Variants in ANXA2 observed in about 807,000 individuals in gnomAD.
The protein encoded by ANXA2 is annexin A2, also known as annexin II.
A neutral mutation model predicts 47.3 loss-of-function variants in ANXA2; 28 were observed. The ratio of observed to expected loss-of-function variants is 0.59; its 90% CI spans 0.44 to 0.81. The LOEUF (loss-of-function observed/expected upper bound fraction) is 0.81, where lower values mean the gene tolerates loss of function less well. Ranked by LOEUF, ANXA2 falls within the 40% of genes least tolerant of loss-of-function variation. The probability of loss-of-function intolerance (pLI) is 0.00; values close to 1 mark genes in which losing one functional copy is unlikely to be tolerated. For synonymous variants in ANXA2, 172 were observed against 155.5 expected (o/e 1.11, Z -0.79); for missense variants, 384 against 414.3 (o/e 0.93, Z 0.64).
chr15:60,394,281 C>T (rs2063052183), intron 1 of ANXA2, among the ~76,000 whole-genome samples: 2 of 152,244 alleles, frequency 1.3e-5, no homozygotes, highest in African/African-American at 4.8e-5. Context: ...AGACAAAGGA[C>T]ATGGACAAAG....
chr15:60,392,731 A>G (rs1052300608), intron 1 of ANXA2, among the ~76,000 whole-genome samples: 6 of 152,242 alleles, frequency 3.9e-5, no homozygotes, highest in African/African-American at 1.4e-4. Flanking sequence ...GGACACACCC[A>G]CTTCACAGTT....
rs1315014693 is a variant in ANXA2, at chr15:60,347,642, A to G, written c.1008T>C (p.Gly336=). Residue 336 remains glycine, a synonymous_variant, in exon 13 of 13, where the codon GGT becomes GGC. Coordinates refer to ENST00000451270, the MANE Select transcript of ANXA2 (RefSeq NM_004039.3). Reference sequence around the variant, plus strand: ...GCCGTGTCGGGCTTCAGTCATCTCCACCACACAGGTACAGCAGCGCTTTCT... The same window carrying G: ...GCCGTGTCGGGCTTCAGTCATCTCCGCCACACAGGTACAGCAGCGCTTTCT... ...DYQKALLYLC[G]GDD is the part of the protein sequence containing the mutation. 6 of 1,614,164 alleles carry G rather than the reference A, an allele frequency of 3.7e-6. 1 individual carries two copies. In the Admixed American group the frequency reaches 1.0e-4, roughly 27 times the overall value.
At chr15:60,374,329 G>T (rs572672586) in intron 3 of ANXA2, 1 of 382,978 alleles carries the variant, frequency 2.6e-6, no homozygotes, top group Non-Finnish European at 5.1e-6. Context: ...AATCGTCAGT[G>T]AAGGAACATG....
chr15:60,378,801 A>G (rs2062815384), intron 3 of ANXA2, among the ~76,000 whole-genome samples: 1 of 152,104 alleles, frequency 6.6e-6, no homozygotes, highest in Non-Finnish European at 1.5e-5. Context: ...CCCCGTCTCT[A>G]CTAAAAATAC....
At chr15:60,355,420 G>C in intron 7 of ANXA2, 1 of 224,744 alleles carries the variant, frequency 4.4e-6, no homozygotes, top group Non-Finnish European at 8.9e-6. Context: ...CTACACGCTG[G>C]CCAGAACTAG....
rs1895998467 is a variant in ANXA2 at position 60,351,255 on chromosome 15, T to C, written c.779-4A>G. The C allele has an allele frequency of 6.2e-7, 1 of 1,614,036 alleles. No individual in the cohort carries two copies. The highest frequency in any genetic ancestry group is 8.5e-7 in the Non-Finnish European group (1 of 1,179,994). Reference sequence around the variant, plus strand: ...GGCTTGTTCTGAATGCACTGAACTGTGGAGAGAAGAAAGGGAGTCAGCGCT... The same window carrying C: ...GGCTTGTTCTGAATGCACTGAACTGCGGAGAGAAGAAAGGGAGTCAGCGCT... On this transcript the variant is annotated splice_polypyrimidine_tract_variant and splice_region_variant and intron_variant, in intron 10 of 12. Transcript: ENST00000451270.
intron 3 of ANXA2, among the ~76,000 whole-genome samples, chr15:60,382,051 GGGGAGGGAGGGA>G (rs138999986): frequency 7.3e-5 from 10 of 137,894 alleles, no homozygotes; most frequent in Non-Finnish European, 1.1e-4. Context: ...AAAGAAGGGA[GGGGAGGGAGGGA>G]GGGAGGGAGG....
chr15:60,397,647 C>T (rs2063099466), intron 1 of ANXA2, among the ~76,000 whole-genome samples: 1 of 152,004 alleles, frequency 6.6e-6, no homozygotes, highest in African/African-American at 2.4e-5. Context: ...TCTCCCCACG[C>T]CGCCTCGCCC....
chr15:60,352,519 T>C lies in ANXA2; in HGVS notation c.589-43A>G, dbSNP rs185878054. ...CAGGAAAAGTTAACTACACATCCAATGTAACGTCAAAAAAAATGTCATGCA... is the reference window on the plus strand; with the variant it reads ...CAGGAAAAGTTAACTACACATCCAACGTAACGTCAAAAAAAATGTCATGCA... On this transcript the variant is annotated intron_variant, in intron 8 of 12. Coordinates refer to ENST00000451270, the MANE Select transcript of ANXA2 (RefSeq NM_004039.3). This position sits in a 1 kb window ranked among gnomAD's most constrained non-coding sequence, Gnocchi z 4.2. The C allele has an allele frequency of 6.5e-5, 90 of 1,384,342 alleles. 1 individual carries two copies. The African/African-American group carries it at 9.3e-4, about 14-fold the overall frequency. 85.8% of individuals were successfully genotyped at this position (1,384,342 alleles called of 1,614,324 possible).
intron 3 of ANXA2, among the ~76,000 whole-genome samples, chr15:60,365,733 C>A (rs1376225456): frequency 6.6e-6 from 1 of 152,128 alleles, no homozygotes; most frequent in African/African-American, 2.4e-5. Flanking sequence ...CAAGTCCATA[C>A]CAATATGCTT....
At chr15:60,364,918 G>C (rs1414192887) in intron 3 of ANXA2, among the ~76,000 whole-genome samples, 1 of 151,116 alleles carries the variant, frequency 6.6e-6, no homozygotes, top group Non-Finnish European at 1.5e-5. Flanking sequence ...ATTTAATAGA[G>C]AGTAACTGCA....
chr15:60,365,147 C>T (rs2062577487), intron 3 of ANXA2, among the ~76,000 whole-genome samples: 1 of 150,860 alleles, frequency 6.6e-6, no homozygotes, highest in Non-Finnish European at 1.5e-5. Flanking sequence ...CTTTAATCTT[C>T]AATAGGCAAT....
Position 60,355,615 on chromosome 15 carries a change from C to A in ANXA2, c.528+304G>T, listed in dbSNP as rs139719728. 129 of 456,818 alleles carry A rather than the reference C, an allele frequency of 2.8e-4. 1 individual carries two copies. The East Asian group carries it at 5.4e-3, about 19-fold the overall frequency. The allele number at this position is 456,818 out of a possible 1,614,324, so 28.3% of individuals were successfully genotyped here. The stretch of plus-strand genomic sequence containing the variant: ...GGTCCTGCATGACCACAGATAGAGG[C>A]AAAGTGACCTTCCCTAAGTCACACG... On this transcript the variant is annotated intron_variant, in intron 7 of 12. Transcript: ENST00000451270.
At chr15:60,366,260 GC>G (rs1234553116) in intron 3 of ANXA2, among the ~76,000 whole-genome samples, 8 of 151,430 alleles carry the variant, frequency 5.3e-5, no homozygotes, top group African/African-American at 1.9e-4. Context: ...CCTCTGCCCG[GC>G]CGCCACCCCG....
At position 60,382,326 on chromosome 15, in the gene ANXA2, C is replaced by G; in HGVS notation, c.148+16G>C. 1.2e-6 allele frequency: 2 copies of G among 1,601,632 alleles called. No homozygotes were observed. Among genetic ancestry groups the G allele is most frequent in the Non-Finnish European group, 1.7e-6 (2 of 1,168,798 alleles). ...CAGTAAGACCCTGACAAGAAGAGGA[C>G]AAATGTATCACCTACCTTTGGTCTT... On this transcript the variant is annotated intron_variant, in intron 3 of 12. Coordinates refer to ENST00000451270, the MANE Select transcript of ANXA2 (RefSeq NM_004039.3).
chr15:60,373,462 C>A (rs2062736775), intron 3 of ANXA2, among the ~76,000 whole-genome samples: 2 of 152,144 alleles, frequency 1.3e-5, no homozygotes, highest in South Asian at 4.1e-4. Context: ...TAGGACTACC[C>A]AAAAGCACCT....
chr15:60,378,627 C>G (rs1857313607), intron 3 of ANXA2, among the ~76,000 whole-genome samples: 1 of 152,078 alleles, frequency 6.6e-6, no homozygotes, highest in South Asian at 2.1e-4. Context: ...TTTAAAGGAC[C>G]AATGGACTTG....
intron 1 of ANXA2, chr15:60,393,634 T>C: frequency 1.0e-6 from 1 of 985,418 alleles, no homozygotes; most frequent in Non-Finnish European, 1.2e-6. Context: ...TCAATCTTAA[T>C]TAGCTGACAT....
At chr15:60,394,469 C>G (rs2063054578) in intron 1 of ANXA2, 1 of 152,282 alleles carries the variant, frequency 6.6e-6, no homozygotes, top group East Asian at 1.9e-4. Flanking sequence ...GAAGCCGAGA[C>G]AGGCGGATCA....
Sources: gnomAD v4.1 joint callset for allele counts (sites outside exome capture counted in the v4.1 genomes callset) on GRCh38, gnomAD v4.1.1 for gene constraint, Gnocchi (gnomAD v3.1) non-coding constraint, MANE v1.5 for transcripts, NCBI Gene and HGNC (gene_info 2026-07-23, HGNC 2026-07-21) for gene names.